TENM4: variants seen among roughly 807,000 people sequenced by gnomAD.
TENM4 encodes teneurin-4.
TENM4 carries 82 observed loss-of-function variants against 243.3 expected under a neutral mutation model. That is an observed-to-expected ratio of 0.34 (90% CI 0.28 to 0.40). The LOEUF (loss-of-function observed/expected upper bound fraction) is 0.40. Ranked by LOEUF, TENM4 falls within the 10% of genes least tolerant of loss-of-function variation. The pLI, the probability that TENM4 is intolerant of heterozygous loss-of-function variation, is 1.00. For missense variants in TENM4, 3,138 were observed against 3,673.3 expected (o/e 0.85, Z 3.77); for synonymous variants, 1,412 against 1,456.3 (o/e 0.97, Z 0.69).
intron 2 of TENM4, among the ~76,000 whole-genome samples, chr11:79,264,710 G>A (rs1855855092): frequency 6.6e-6 from 1 of 152,170 alleles, no homozygotes; most frequent in African/African-American, 2.4e-5. Flanking sequence ...TCACAGGGTA[G>A]GACTTGTAGA....
chr11:78,724,280 A>G (rs957809569), intron 23 of TENM4, among the ~76,000 whole-genome samples: 2 of 152,084 alleles, frequency 1.3e-5, no homozygotes, highest in African/African-American at 2.4e-5. Flanking sequence ...TTTAGTAGAG[A>G]TGGGGTCTCA....
chr11:79,144,304 A>T (rs1042078333), intron 4 of TENM4, among the ~76,000 whole-genome samples: 1 of 152,054 alleles, frequency 6.6e-6, no homozygotes, highest in Non-Finnish European at 1.5e-5. Context: ...GGCAATAATG[A>T]ATGCTGGCGA....
At chr11:79,377,859 A>G (rs1381620558) in intron 1 of TENM4, among the ~76,000 whole-genome samples, 1 of 150,256 alleles carries the variant, frequency 6.7e-6, no homozygotes, top group Non-Finnish European at 1.5e-5. Flanking sequence ...GCCAAAAAAC[A>G]AAACAAAATA....
intron 24 of TENM4, among the ~76,000 whole-genome samples, chr11:78,722,317 T>C (rs1208515172): frequency 6.6e-6 from 1 of 152,224 alleles, no homozygotes; most frequent in Non-Finnish European, 1.5e-5. Context: ...ACCCAGCCCC[T>C]TGTTTTTATA....
intron 4 of TENM4, among the ~76,000 whole-genome samples, chr11:79,141,343 T>G (rs1325095589): frequency 6.6e-6 from 1 of 152,146 alleles, no homozygotes; most frequent in East Asian, 1.9e-4. Flanking sequence ...CAAAGGAACA[T>G]TAGAGACTAC....
chr11:78,801,509 T>G (rs532775080), intron 15 of TENM4, among the ~76,000 whole-genome samples: 82 of 152,344 alleles, frequency 5.4e-4, no homozygotes, highest in Non-Finnish European at 9.4e-4. Flanking sequence ...GAGTAAACAC[T>G]TGTATAAAAT....
chr11:79,040,101 G>A (rs773269176), intron 6 of TENM4, among the ~76,000 whole-genome samples: 10 of 151,484 alleles, frequency 6.6e-5, no homozygotes, highest in Admixed American at 2.6e-4. Flanking sequence ...GAACCTCTTC[G>A]TGTCTCTATT....
rs894957221 is a variant in TENM4 at position 79,123,729 on chromosome 11, T to A, written c.-66+24981A>T. Among the ~76,000 whole-genome samples the A allele has an allele frequency of 3.3e-5, 5 of 152,124 alleles. No individual in the cohort carries two copies. The East Asian group carries it at 7.8e-4, about 24-fold the overall frequency. On this transcript the variant is annotated intron_variant, in intron 4 of 33. Transcript: ENST00000278550. ...TCGGGGAAGCCCCATCCTCTCTCCT[T>A]CCTTAGAGCTCTAACCTAGCCTTCA... is the stretch of plus-strand genomic sequence containing the variant.
intron 1 of TENM4, among the ~76,000 whole-genome samples, chr11:79,353,537 A>G (rs11237798): frequency 0.13 from 20,505 of 152,162 alleles, 1,587 homozygotes; most frequent in African/African-American, 0.22. Flanking sequence ...CCCCACAAAC[A>G]TGCCATCCTA....
In TENM4 at chr11:78,856,026, G is replaced by C. The variant is rs1858672227; in HGVS notation, c.1408C>G (p.Leu470Val). 1 of 1,551,734 alleles carries C rather than the reference G, an allele frequency of 6.4e-7. No homozygotes were observed. The highest frequency in any genetic ancestry group is 2.4e-5 in the East Asian group (1 of 40,914). The change falls in exon 11 of 34, where the codon CTG becomes GTG. Residue 470 changes from leucine (L) to valine (V), a missense_variant. Leu to Val is a conservative substitution (Grantham distance 32). Around this residue, in one of 2 missense-constraint regions of TENM4, gnomAD observed 2,467 missense variants for 3,059.1 expected, o/e 0.81. Transcript: ENST00000278550. ...HPVHLKFNVSLGKAALVGIYG... is the reference protein window; with the variant it reads ...HPVHLKFNVSVGKAALVGIYG... ...ATGCCAACCAGGGCTGCCTTTCCCA[G>C]AGACACATTGAATTTCAGATGCACA...
intron 26 of TENM4, among the ~76,000 whole-genome samples, chr11:78,712,082 A>T (rs1216763015): frequency 2.0e-5 from 3 of 152,230 alleles, no homozygotes; most frequent in Non-Finnish European, 4.4e-5. Context: ...ATAACATGAG[A>T]GACAGCATAT....
chr11:79,373,752 T>C (rs1857834836), intron 1 of TENM4, among the ~76,000 whole-genome samples: 1 of 152,134 alleles, frequency 6.6e-6, no homozygotes, highest in Non-Finnish European at 1.5e-5. Flanking sequence ...AAATGAAAAT[T>C]AAAAACCTTA....
intron 6 of TENM4, among the ~76,000 whole-genome samples, chr11:79,062,246 C>T (rs1233607320): frequency 6.6e-6 from 1 of 152,192 alleles, no homozygotes; most frequent in Non-Finnish European, 1.5e-5. Context: ...CAGGCCTGAA[C>T]CACCATGCCC....
intron 1 of TENM4, among the ~76,000 whole-genome samples, chr11:79,398,217 T>A (rs552278880): frequency 1.3e-5 from 2 of 151,848 alleles, no homozygotes; most frequent in South Asian, 4.2e-4. Context: ...TGTCCTTTAA[T>A]CTAGGACAAC....
Position 79,308,314 on chromosome 11 carries a change from C to T in TENM4, c.-320-10771G>A, listed in dbSNP as rs143878250. On this transcript the variant is annotated intron_variant, in intron 1 of 33. Transcript: ENST00000278550. ...AAACCGATTATATTCAAATAGCTAT[C>T]AAAATGTTAAAATGAAAAATTTGTG... 3.0e-3 allele frequency among the ~76,000 whole-genome samples: 453 copies of T among 152,236 alleles called. 2 individuals are homozygous for T. The highest frequency in any genetic ancestry group is 1.0e-2 in the African/African-American group (415 of 41,544).
intron 23 of TENM4, 58 bp downstream of exon 23, chr11:78,726,021 G>A: frequency 6.2e-7 from 1 of 1,602,272 alleles, no homozygotes; most frequent in South Asian, 1.1e-5. Context: ...AGGGCACAAG[G>A]GATATGAGAC....
chr11:79,387,314 G>T (rs1365683715), intron 1 of TENM4, among the ~76,000 whole-genome samples: 2 of 152,092 alleles, frequency 1.3e-5, no homozygotes, highest in Non-Finnish European at 2.9e-5. Flanking sequence ...TAAAGTTCTG[G>T]TTACATTGGT....
At chr11:78,923,101 CT>C (rs1856479984) in intron 6 of TENM4, among the ~76,000 whole-genome samples, 2 of 152,122 alleles carry the variant, frequency 1.3e-5, no homozygotes, top group Non-Finnish European at 2.9e-5. Context: ...GCAGTGAACA[CT>C]TAAACATTGT....
intron 6 of TENM4, among the ~76,000 whole-genome samples, chr11:78,999,654 A>G (rs1858265982): frequency 6.6e-6 from 1 of 152,204 alleles, no homozygotes; most frequent in Non-Finnish European, 1.5e-5. Flanking sequence ...CCAGTTTTCA[A>G]CAACAAAATC....
Sources: gnomAD v4.1 joint callset for allele counts (sites outside exome capture counted in the v4.1 genomes callset) on GRCh38, gnomAD v4.1.1 for gene constraint, gnomAD v4.1.1 regional missense constraint, MANE v1.5 for transcripts, NCBI Gene and HGNC (gene_info 2026-07-23, HGNC 2026-07-21) for gene names.